The following GPN1 variants were observed in gnomAD, a reference collection of about 807,000 sequenced individuals.
The protein encoded by GPN1 is ATP(GTP)-binding protein.
In GPN1, 44 loss-of-function variants were observed where a neutral mutation model predicts 55.9. That is an observed-to-expected ratio of 0.79 (90% CI 0.62 to 1.01). GPN1 has a LOEUF of 1.01. Among genes scored for constraint, GPN1 ranks in the 50% least tolerant of loss-of-function variants. The pLI is 0.00. For synonymous variants in GPN1, 179 were observed against 162.5 expected (o/e 1.10, Z -0.77); for missense variants, 466 against 462.8 (o/e 1.01, Z -0.06).
At position 27,639,169 on chromosome 2, in the gene GPN1, T is replaced by C. The variant is rs13417076; in HGVS notation, c.717+138T>C. On this transcript the variant is annotated intron_variant, in intron 9 of 13. Coordinates refer to ENST00000610189, the MANE Select transcript of GPN1 (RefSeq NM_007266.4). Reference sequence around the variant, plus strand: ...TTTTAAAGCATTGCTTATTAAAAATTGTGGAGTGTACAAGAAGAATAAGAT... The same window carrying C: ...TTTTAAAGCATTGCTTATTAAAAATCGTGGAGTGTACAAGAAGAATAAGAT... The C allele has an allele frequency of 2.9e-3, 2,005 of 679,862 alleles. 25 individuals carry two copies. In the African/African-American group the frequency reaches 0.03, roughly 10 times the overall value. The allele number at this position is 679,862 out of a possible 1,614,324, so 42.1% of individuals were successfully genotyped here. A position where few individuals can be genotyped will look rare whatever the true frequency, so the allele number is the denominator to read the frequency against.
chr2:27,639,055 C>G, intron 9 of GPN1, 24 bp downstream of exon 9: 9 of 1,563,532 alleles, frequency 5.8e-6, no homozygotes, highest in Non-Finnish European at 7.0e-6. Flanking sequence ...CCTGCTCACA[C>G]TGACAGCCTC....
At chr2:27,631,666 A>G (rs1190505802) in intron 3 of GPN1, 168 bp from the exon 4 acceptor site, 6 of 621,562 alleles carry the variant, frequency 9.7e-6, no homozygotes, top group Non-Finnish European at 1.7e-5. Flanking sequence ...AGACCTTGAT[A>G]ATGACTGTTT....
rs748521413 is a variant in GPN1 at position 27,640,050 on chromosome 2, G to A, written c.725G>A (p.Gly242Asp). The A allele has an allele frequency of 6.2e-7, 1 of 1,607,928 alleles. No homozygotes were observed. The highest frequency in any genetic ancestry group is 8.5e-7 in the Non-Finnish European group (1 of 1,174,488). The change falls in exon 10 of 14, where the codon GGT becomes GAT. Residue 242 changes from glycine to aspartate, a missense_variant. By Grantham distance (94) the Gly-to-Asp change is moderately conservative. Transcript: ENST00000610189. Reference sequence around the variant, plus strand: ...TATGATGCTTTTTGGCAGGTGGTGGGTGTCTCTGCTGTTCTGGGTACTGGA... The same window carrying A: ...TATGATGCTTTTTGGCAGGTGGTGGATGTCTCTGCTGTTCTGGGTACTGGA... ...DEFYSSLRVV[G>D]VSAVLGTGLD...
chr2:27,643,564 A>G lies in GPN1; in HGVS notation c.931+1045A>G, dbSNP rs1280710158. ...TCAGATGTAGCCATTTCCCCATGAT[A>G]GCAGGAGAAAATCTGGATGTGCATT... On this transcript the variant is annotated intron_variant, in intron 12 of 13. Coordinates refer to ENST00000610189, the MANE Select transcript of GPN1 (RefSeq NM_007266.4). This position sits in a 1 kb window ranked among gnomAD's most constrained non-coding sequence, Gnocchi z 4.0. Among the ~76,000 whole-genome samples, 10 of 152,326 alleles carry G rather than the reference A, an allele frequency of 6.6e-5. No homozygotes were observed. The East Asian group carries it at 1.7e-3, about 26-fold the overall frequency.
chr2:27,632,600 G>C (rs770882098), intron 4 of GPN1, 33 bp from the exon 5 acceptor site: 5 of 1,537,458 alleles, frequency 3.3e-6, no homozygotes, highest in Middle Eastern at 1.7e-4. Context: ...GTTGAAATCG[G>C]AATTTGTTGT....
chr2:27,634,132 TTTTA>T (rs1222449214), intron 5 of GPN1, among the ~76,000 whole-genome samples: 1 of 152,196 alleles, frequency 6.6e-6, no homozygotes, highest in East Asian at 1.9e-4. Context: ...TGGTTTTTAC[TTTTA>T]TTTTCTTAAT....
chr2:27,648,337 T>C (rs1002299882), intron 13 of GPN1, among the ~76,000 whole-genome samples: 1 of 151,994 alleles, frequency 6.6e-6, no homozygotes, highest in Non-Finnish European at 1.5e-5. Context: ...CTGGGCAACA[T>C]AGTTAGTCCC....
Position 27,629,183 on chromosome 2 carries a change from C to G in GPN1, c.111+14C>G. 1 of 1,613,330 alleles carries G rather than the reference C, an allele frequency of 6.2e-7. No individual in the cohort carries two copies. The highest frequency in any genetic ancestry group is 8.5e-7 in the Non-Finnish European group (1 of 1,179,430). On this transcript the variant is annotated intron_variant, in intron 1 of 13. Transcript: ENST00000610189. ...ACTTTTGTACAGGTGACGTACACAG[C>G]ATGGGTGTAGTAGGGGAGCGCAAAA... is the stretch of plus-strand genomic sequence containing the variant.
intron 5 of GPN1, 137 bp downstream of exon 5, chr2:27,632,807 C>T (rs1572952346): frequency 1.6e-6 from 1 of 616,762 alleles, no homozygotes. Context: ...AAAAAATTGG[C>T]AAATCATTAA....
intron 7 of GPN1, among the ~76,000 whole-genome samples, chr2:27,635,859 T>C (rs1396197579): frequency 6.6e-6 from 1 of 152,160 alleles, no homozygotes; most frequent in African/African-American, 2.4e-5. Context: ...TAAATGATGC[T>C]GGTAGAGTGA....
At position 27,638,874 on chromosome 2, in the gene GPN1, C is replaced by T. The variant is rs367723860; in HGVS notation, c.571-11C>T. 3.9e-5 allele frequency: 63 copies of T among 1,602,446 alleles called. No homozygotes were observed. In the African/African-American group the frequency reaches 8.2e-4, roughly 21 times the overall value. On this transcript the variant is annotated splice_polypyrimidine_tract_variant and intron_variant, in intron 8 of 13. Coordinates refer to ENST00000610189, the MANE Select transcript of GPN1 (RefSeq NM_007266.4). ...CTCTGGTTGCTCATAATTGACTTCT[C>T]TCTGGTACAGACTGACATCATTGAC...
At chr2:27,639,664 C>T (rs564012763) in intron 9 of GPN1, among the ~76,000 whole-genome samples, 30 of 152,138 alleles carry the variant, frequency 2.0e-4, no homozygotes, top group Admixed American at 1.1e-3. Flanking sequence ...AGACTATAGG[C>T]GTGTGCGGTA....
At chr2:27,641,426 GT>G in intron 11 of GPN1, 147 bp downstream of exon 11, 3 of 556,282 alleles carry the variant, frequency 5.4e-6, no homozygotes, top group Non-Finnish European at 9.6e-6. Context: ...TGAGGTACAA[GT>G]GGCTAATGAA....
chr2:27,641,953 T>C (rs1195449878), intron 11 of GPN1: 2 of 153,738 alleles, frequency 1.3e-5, no homozygotes, highest in Non-Finnish European at 2.9e-5. Context: ...TTGGATCCTT[T>C]GTCTCTGAGC....
At chr2:27,642,574 T>A (rs1004017559) in intron 12 of GPN1, 55 bp downstream of exon 12, 14 of 983,002 alleles carry the variant, frequency 1.4e-5, no homozygotes, top group Non-Finnish European at 1.7e-5. Flanking sequence ...CTTCTTTCTT[T>A]TATTTATTTA....
rs7382 is a variant in GPN1 at position 27,650,548 on chromosome 2, G to A, written c.*348G>A. 77,237 of 167,664 alleles carry A rather than the reference G, an allele frequency of 0.46. 19,156 individuals are homozygous for A. The highest frequency in any genetic ancestry group is 0.56 in the Non-Finnish European group (43,034 of 77,418). The allele number at this position is 167,664 out of a possible 1,614,324, so 10.4% of individuals were successfully genotyped here. The stretch of plus-strand genomic sequence containing the variant: ...AATCAAAAGAACGTAGTCTCCTGGT[G>A]ACCACCTCAGATCTCTATTATTAGG... On this transcript the variant is annotated 3_prime_UTR_variant, in exon 14 of 14. Transcript: ENST00000610189.
intron 4 of GPN1, 68 bp downstream of exon 4, chr2:27,631,968 A>C: frequency 1.1e-6 from 1 of 902,552 alleles, no homozygotes; most frequent in South Asian, 1.3e-5. Flanking sequence ...CCTTAGCTTG[A>C]TCACATTGGT....
intron 7 of GPN1, among the ~76,000 whole-genome samples, chr2:27,635,457 CTTG>C (rs1236708303): frequency 2.0e-5 from 3 of 152,080 alleles, no homozygotes; most frequent in Admixed American, 6.5e-5. Flanking sequence ...ATCTTCCTCC[CTTG>C]TTGTTACAAA....
At chr2:27,646,946 G>C (rs1466002868) in intron 12 of GPN1, among the ~76,000 whole-genome samples, 1 of 152,182 alleles carries the variant, frequency 6.6e-6, no homozygotes, top group Non-Finnish European at 1.5e-5. Flanking sequence ...AATATGTGAA[G>C]TCAATGTTAA....
Sources: allele counts gnomAD v4.1 joint callset (sites outside exome capture counted in the v4.1 genomes callset), GRCh38; gene constraint gnomAD v4.1.1; non-coding constraint Gnocchi (gnomAD v3.1); transcripts MANE v1.5; gene names NCBI Gene and HGNC (gene_info 2026-07-23, HGNC 2026-07-21).